The following DAB1 variants were observed in gnomAD, a reference collection of about 807,000 sequenced individuals.
DAB1 encodes DAB adaptor protein 1.
DAB1 carries 15 observed loss-of-function variants against 64.6 expected under a neutral mutation model. That is an observed-to-expected ratio of 0.23 (90% CI 0.16 to 0.36). The LOEUF is 0.36. DAB1 is among the 10% of genes least tolerant of loss of function. DAB1 has a pLI of 1.00. For synonymous variants in DAB1, 235 were observed against 251.9 expected (o/e 0.93, Z 0.64); for missense variants, 596 against 706.7 (o/e 0.84, Z 1.78).
chr1:57,541,518 G>C (rs1293285120), intron 7 of DAB1, among the ~76,000 whole-genome samples: 2 of 152,164 alleles, frequency 1.3e-5, no homozygotes, highest in Non-Finnish European at 2.9e-5. Context: ...TATAACAAAG[G>C]AGGCTTTCTG....
At chr1:57,209,270 T>G (rs557598968) in intron 2 of DAB1, among the ~76,000 whole-genome samples, 217 of 152,358 alleles carry the variant, frequency 1.4e-3, no homozygotes, top group African/African-American at 5.1e-3. Flanking sequence ...ACAGCATTTA[T>G]GAACACTACT....
chr1:57,952,342 T>C (rs559697041), intron 5 of DAB1, among the ~76,000 whole-genome samples: 1 of 152,288 alleles, frequency 6.6e-6, no homozygotes, highest in South Asian at 2.1e-4. Flanking sequence ...ACTGGGTTCC[T>C]GGTGACTTTG....
chr1:57,424,249 G>T (rs1048988828), upstream of DAB1, among the ~76,000 whole-genome samples: 1 of 151,096 alleles, frequency 6.6e-6, no homozygotes, highest in African/African-American at 2.4e-5. Context: ...CCGGCCTCGC[G>T]GCTCCCTCCG....
intron 4 of DAB1, among the ~76,000 whole-genome samples, chr1:57,131,841 C>G (rs1377898927): frequency 1.3e-5 from 2 of 152,082 alleles, no homozygotes; most frequent in South Asian, 4.1e-4. Context: ...TGATTCTTAA[C>G]CGTGAAGTCA....
chr1:58,124,266 C>T (rs560535973), intron 5 of DAB1, among the ~76,000 whole-genome samples: 96 of 151,796 alleles, frequency 6.3e-4, no homozygotes, highest in Non-Finnish European at 1.2e-3. Flanking sequence ...TAAACTCAAA[C>T]AAAGATGGTC....
intron 3 of DAB1, among the ~76,000 whole-genome samples, chr1:57,143,460 C>T (rs957000612): frequency 1.3e-5 from 2 of 152,110 alleles, no homozygotes; most frequent in African/African-American, 4.8e-5. Context: ...AAAAGATGCA[C>T]TAACTTCTTC....
chr1:57,020,236 A>T (rs1646569819), intron 11 of DAB1, among the ~76,000 whole-genome samples: 1 of 152,232 alleles, frequency 6.6e-6, no homozygotes, highest in Non-Finnish European at 1.5e-5. Context: ...TCCATGAGGG[A>T]AAGATTTGAT....
chr1:57,760,346 T>C (rs763895388), intron 6 of DAB1, among the ~76,000 whole-genome samples: 1 of 152,152 alleles, frequency 6.6e-6, no homozygotes, highest in African/African-American at 2.4e-5. Flanking sequence ...GAGTCCTTAA[T>C]AAATACTTCT....
intron 5 of DAB1, among the ~76,000 whole-genome samples, chr1:58,075,306 G>A (rs1649570713): frequency 1.3e-5 from 2 of 152,300 alleles, no homozygotes; most frequent in Admixed American, 1.3e-4. Flanking sequence ...CACATGGTGA[G>A]ATTGTACTTC....
At chr1:57,780,535 T>C (rs893176420) in intron 6 of DAB1, among the ~76,000 whole-genome samples, 1 of 152,056 alleles carries the variant, frequency 6.6e-6, no homozygotes, top group African/African-American at 2.4e-5. Context: ...ATATGTTACA[T>C]ATGTTCATTG....
chr1:57,372,068 C>T (rs556204845), intron 1 of DAB1, among the ~76,000 whole-genome samples: 38 of 152,262 alleles, frequency 2.5e-4, no homozygotes, highest in African/African-American at 7.2e-4. Context: ...AGCAGAGAGG[C>T]CTGTGGTTCC....
chr1:58,290,621 A>G lies in DAB1; in HGVS notation n.309+52731T>C, dbSNP rs1661795937. On this transcript the variant is annotated intron_variant and non_coding_transcript_variant, in intron 4 of 20. Transcript: ENST00000485760. ...AAACGAAGGCCAAGGAGAGCAAATA[A>G]TTTTCTTAGCTCGTCTCTGAAGCTC... Among the ~76,000 whole-genome samples the G allele has an allele frequency of 2.0e-5, 3 of 152,126 alleles. No individual in the cohort carries two copies. In the South Asian group the frequency reaches 6.2e-4, roughly 32 times the overall value.
intron 6 of DAB1, among the ~76,000 whole-genome samples, chr1:57,683,229 T>C (rs1646657295): frequency 6.6e-6 from 1 of 152,170 alleles, no homozygotes; most frequent in Admixed American, 6.5e-5. Flanking sequence ...CTCCCTCTGC[T>C]GGGCCTGTCT....
At chr1:57,211,900 G>A (rs1444916982) in intron 2 of DAB1, among the ~76,000 whole-genome samples, 1 of 152,156 alleles carries the variant, frequency 6.6e-6, no homozygotes, top group Non-Finnish European at 1.5e-5. Flanking sequence ...TGTAAATACT[G>A]CAACACTTTA....
At chr1:57,069,935 G>A (rs1053877500) in intron 7 of DAB1, among the ~76,000 whole-genome samples, 2 of 152,088 alleles carry the variant, frequency 1.3e-5, no homozygotes, top group Admixed American at 6.6e-5. Context: ...ACATTAAATC[G>A]ATTTTTCCAA....
chr1:57,874,624 C>T lies in DAB1; in HGVS notation n.87+9375G>A, dbSNP rs149082294. On this transcript the variant is annotated intron_variant and non_coding_transcript_variant, in intron 1 of 1. Coordinates refer to the DAB1 transcript ENST00000477280. ...AAGAAACAGCCATAAATCAGCCAGGCCACTGCAGCCATTGAGTCAAGTTCA... is the reference window on the plus strand; with the variant it reads ...AAGAAACAGCCATAAATCAGCCAGGTCACTGCAGCCATTGAGTCAAGTTCA... Among the ~76,000 whole-genome samples, 248 of 152,196 alleles carry T rather than the reference C, an allele frequency of 1.6e-3. 1 individual carries two copies. The highest frequency in any genetic ancestry group is 5.3e-3 in the African/African-American group (220 of 41,546).
At chr1:57,771,610 G>A (rs1313053345) in intron 6 of DAB1, among the ~76,000 whole-genome samples, 1 of 152,070 alleles carries the variant, frequency 6.6e-6, no homozygotes, top group African/African-American at 2.4e-5. Flanking sequence ...GACATGAAAT[G>A]AGCCTATTTT....
chr1:58,455,779 G>A (rs1001872097), intron 3 of DAB1, among the ~76,000 whole-genome samples: 7 of 152,186 alleles, frequency 4.6e-5, no homozygotes, highest in Admixed American at 1.3e-4. Context: ...CAAATTGGAC[G>A]GTTGATTCTG....
chr1:57,492,899 G>T lies in DAB1; in HGVS notation n.625+156693C>A, dbSNP rs761206866. On this transcript the variant is annotated intron_variant and non_coding_transcript_variant, in intron 7 of 20. Coordinates refer to the DAB1 transcript ENST00000485760. ...CCTTTGCCCCTTGACTTTGCTTGGA[G>T]AAATTCAAATTTTTTTCAGACTTAA... 2.0e-5 allele frequency among the ~76,000 whole-genome samples: 3 copies of T among 152,106 alleles called. 1 individual carries two copies. Among genetic ancestry groups the T allele is most frequent in the Admixed American group, 1.3e-4 (2 of 15,262 alleles).
Sources: allele counts gnomAD v4.1 joint callset (sites outside exome capture counted in the v4.1 genomes callset), GRCh38; gene constraint gnomAD v4.1.1; transcripts MANE v1.5; gene names NCBI Gene and HGNC (gene_info 2026-07-23, HGNC 2026-07-21).